Variants in ACAD9 observed in about 807,000 individuals in gnomAD.
ACAD9 encodes the protein acyl-CoA dehydrogenase family member 9, also known as complex I assembly factor ACAD9, mitochondrial.
ACAD9 carries 53 observed loss-of-function variants against 70.2 expected under a neutral mutation model. The ratio of observed to expected loss-of-function variants is 0.75; its 90% confidence interval spans 0.61 to 0.95. The LOEUF is 0.95. Among genes scored for constraint, ACAD9 ranks in the 40% least tolerant of loss-of-function variants. The pLI, the probability that ACAD9 is intolerant of heterozygous loss-of-function variation, is 0.00. For missense variants in ACAD9, 777 were observed against 802.8 expected, an observed-to-expected ratio of 0.97 and a Z score of 0.39; for synonymous variants, 313 against 312.1, an observed-to-expected ratio of 1.00 and a Z score of -0.03.
intron 1 of ACAD9, among the ~76,000 whole-genome samples, chr3:128,884,017 C>G (rs751088314): frequency 6.6e-6 from 1 of 152,198 alleles, no homozygotes; most frequent in Non-Finnish European, 1.5e-5. Context: ...GAAGGGGTAG[C>G]AGAGCCCAAA....
At chr3:128,890,177 T>C (rs1935377103) in intron 2 of ACAD9, among the ~76,000 whole-genome samples, 1 of 151,532 alleles carries the variant, frequency 6.6e-6, no homozygotes, top group Non-Finnish European at 1.5e-5. Flanking sequence ...AACCTCCATC[T>C]CCCAGGTTCA....
chr3:128,898,969 T>G (rs991936465), intron 6 of ACAD9, among the ~76,000 whole-genome samples: 1 of 152,230 alleles, frequency 6.6e-6, no homozygotes, highest in Non-Finnish European at 1.5e-5. Flanking sequence ...CCTTAAGAAA[T>G]GATTAAACCC....
intron 1 of ACAD9, chr3:128,880,200 T>A (rs1265802527): frequency 1.6e-5 from 7 of 435,398 alleles, no homozygotes; most frequent in Non-Finnish European, 2.4e-5. Flanking sequence ...TTACACCATG[T>A]CCCTCCTCAG....
intron 4 of ACAD9, 116 bp downstream of exon 4, chr3:128,895,532 C>T: frequency 1.0e-6 from 1 of 957,700 alleles, no homozygotes. Context: ...GACCTTCAGC[C>T]CTGCCCTTCA....
At chr3:128,882,245 G>A (rs1000150722) in intron 1 of ACAD9, among the ~76,000 whole-genome samples, 1 of 152,152 alleles carries the variant, frequency 6.6e-6, no homozygotes, top group Admixed American at 6.5e-5. Context: ...AGGCATTTGA[G>A]ATTAATAGAT....
rs751398822 is a variant in ACAD9 at position 128,904,476 on chromosome 3, G to A, written c.1120G>A (p.Asp374Asn). Residue 374 changes from aspartate (D) to asparagine (N), a missense_variant, in exon 11 of 18, where the codon GAC becomes AAC. By Grantham distance (23) the Asp-to-Asn change is conservative. Transcript: ENST00000308982. ...AGMLDQPGFP[D>N]CSIEAAMVKV... ...GATGCTGGACCAACCTGGCTTTCCCGACTGCTCCATCGAGGCAGCCATGGT... is the reference window on the plus strand; with the variant it reads ...GATGCTGGACCAACCTGGCTTTCCCAACTGCTCCATCGAGGCAGCCATGGT... The A allele has an allele frequency of 2.5e-6, 4 of 1,614,158 alleles. No homozygotes were observed. The highest frequency in any genetic ancestry group is 1.3e-5 in the African/African-American group (1 of 75,056).
At position 128,908,164 on chromosome 3, in the gene ACAD9, CCT is replaced by C. The variant is rs1307759006; in HGVS notation, c.1279-18_1279-17del. On this transcript the variant is annotated intron_variant, in intron 12 of 17. Coordinates refer to ENST00000308982, the MANE Select transcript of ACAD9 (RefSeq NM_014049.5). ...TGCCTGGCCGGGGGGCAGCCTTTGA[CCT>C]CTACACTACTGACCACAGGGAACCA... 1.2e-6 allele frequency: 2 copies of C among 1,613,112 alleles called. No homozygotes were observed. Among genetic ancestry groups the C allele is most frequent in the South Asian group, 2.2e-5 (2 of 91,060 alleles).
rs1199810951 is a variant in ACAD9, at chr3:128,902,839, C to G, written c.958+211C>G. ...TCTTCCGCATTCCTCTGTTTCACCT[C>G]CACCCGGGTGATGCTGACTGGGGGA... On this transcript the variant is annotated intron_variant, in intron 9 of 17. Transcript: ENST00000308982. This position sits in a 1 kb window ranked among gnomAD's most constrained non-coding sequence, Gnocchi z 4.0. 2.0e-5 allele frequency among the ~76,000 whole-genome samples: 3 copies of G among 152,148 alleles called. No individual in the cohort carries two copies. Among genetic ancestry groups the G allele is most frequent in the Non-Finnish European group, 4.4e-5 (3 of 68,022 alleles).
intron 2 of ACAD9, among the ~76,000 whole-genome samples, chr3:128,890,843 AT>A (rs552712853): frequency 1.9e-3 from 276 of 143,416 alleles, no homozygotes; most frequent in Middle Eastern, 0.011. Flanking sequence ...TTTTAGAGCA[AT>A]TTTTTTTTTT....
Position 128,910,641 on chromosome 3 carries a change from C to A in ACAD9, c.1693-100C>A, listed in dbSNP as rs148698216. The A allele has an allele frequency of 7.4e-5, 98 of 1,321,810 alleles. No homozygotes were observed. In the African/African-American group the frequency reaches 1.2e-3, roughly 17 times the overall value. The allele number at this position is 1,321,810 out of a possible 1,614,324, so 81.9% of individuals were successfully genotyped here. ...ACTCCTGTGCCAGGCCTTGTGACCCCTGCCATGCTACCCAGTTTGGCTGAT... is the reference window on the plus strand; with the variant it reads ...ACTCCTGTGCCAGGCCTTGTGACCCATGCCATGCTACCCAGTTTGGCTGAT... On this transcript the variant is annotated intron_variant, in intron 16 of 17. Coordinates refer to ENST00000308982, the MANE Select transcript of ACAD9 (RefSeq NM_014049.5).
At chr3:128,895,096 C>G (rs1418066804) in intron 3 of ACAD9, among the ~76,000 whole-genome samples, 2 of 151,248 alleles carry the variant, frequency 1.3e-5, no homozygotes, top group South Asian at 4.2e-4. Flanking sequence ...AGGCTGGTCT[C>G]GAACTGTTGA....
Position 128,910,778 on chromosome 3 carries a change from T to C in ACAD9, c.1730T>C (p.Leu577Ser), listed in dbSNP as rs1936205244. The C allele has an allele frequency of 1.2e-6, 2 of 1,614,192 alleles. No homozygotes were observed. Among genetic ancestry groups the C allele is most frequent in the Non-Finnish European group, 1.7e-6 (2 of 1,180,046 alleles). ...AACACCTTCTGCGTGGAAGCTTACT[T>C]GCAGAATCTCTTCAGCCTCTCTCAG... ...LANTFCVEAY[L>S]QNLFSLSQLD... Residue 577 changes from leucine (L) to serine (S), a missense_variant, in exon 17 of 18, where the codon TTG becomes TCG. Physicochemically the swap from Leu to Ser is moderately radical, Grantham distance 145 (BLOSUM62 -2). Coordinates refer to ENST00000308982, the MANE Select transcript of ACAD9 (RefSeq NM_014049.5).
intron 1 of ACAD9, among the ~76,000 whole-genome samples, chr3:128,880,564 AT>A (rs1178357376): frequency 6.6e-5 from 9 of 137,354 alleles, no homozygotes; most frequent in African/African-American, 2.4e-4. Flanking sequence ...TTTTTTTTGT[AT>A]TTTTAGCAGA....
At position 128,895,361 on chromosome 3, in the gene ACAD9, G is replaced by A; in HGVS notation, c.398G>A (p.Ser133Asn). 1 of 1,613,086 alleles carries A rather than the reference G, an allele frequency of 6.2e-7. No individual in the cohort carries two copies. The highest frequency in any genetic ancestry group is 1.7e-4 in the Middle Eastern group (1 of 6,060). Residue 133 changes from serine (S) to asparagine (N), a missense_variant, in exon 4 of 18, where the codon AGC becomes AAC. Physicochemically the swap from Ser to Asn is conservative, Grantham distance 46. Coordinates refer to ENST00000308982, the MANE Select transcript of ACAD9 (RefSeq NM_014049.5). The part of the protein sequence containing the change: ...TMYSRLGEII[S>N]MDGSITVTLA... ...TACTCAAGACTAGGGGAGATCATCA[G>A]CATGGATGGGTCCATCACTGTGACC...
intron 15 of ACAD9, 103 bp from the exon 16 acceptor site, chr3:128,909,918 G>T (rs918560226): frequency 6.6e-7 from 1 of 1,523,230 alleles, no homozygotes. Flanking sequence ...ACTTTCTCAA[G>T]GAACACAGGA....
At chr3:128,883,235 G>A (rs1313088186) in intron 1 of ACAD9, among the ~76,000 whole-genome samples, 9 of 152,062 alleles carry the variant, frequency 5.9e-5, no homozygotes, top group Admixed American at 1.3e-4. Context: ...AACTACAGGC[G>A]TGTGCAACCA....
chr3:128,879,845 A>G lies in ACAD9; in HGVS notation c.150+4A>G. On this transcript the variant is annotated splice_donor_region_variant and intron_variant, in intron 1 of 17. Transcript: ENST00000308982. Reference sequence around the variant, plus strand: ...TTTCCTAGGCAAAATCAAGAAGGTAACGCGAGCCCTGGGCGAACCCTTGCT... The same window carrying G: ...TTTCCTAGGCAAAATCAAGAAGGTAGCGCGAGCCCTGGGCGAACCCTTGCT... The G allele has an allele frequency of 6.2e-7, 1 of 1,613,944 alleles. No individual in the cohort carries two copies. Among genetic ancestry groups the G allele is most frequent in the South Asian group, 1.1e-5 (1 of 91,080 alleles).
intron 13 of ACAD9, 47 bp from the exon 14 acceptor site, chr3:128,908,926 G>C (rs1387209192): frequency 6.2e-7 from 1 of 1,613,666 alleles, no homozygotes; most frequent in Admixed American, 1.7e-5. Context: ...TGGACAGTGA[G>C]CGCCAGCAGC....
In ACAD9 at chr3:128,897,675, G is replaced by C; in HGVS notation, c.598G>C (p.Glu200Gln). The C allele has an allele frequency of 6.2e-7, 1 of 1,613,914 alleles. No individual in the cohort carries two copies. Among genetic ancestry groups the C allele is most frequent in the Non-Finnish European group, 8.5e-7 (1 of 1,179,918 alleles). Residue 200 changes from glutamate (E) to glutamine (Q), a missense_variant, in exon 6 of 18, where the codon GAA becomes CAA. Physicochemically the swap from Glu to Gln is conservative, Grantham distance 29. Coordinates refer to ENST00000308982, the MANE Select transcript of ACAD9 (RefSeq NM_014049.5). The part of the protein sequence containing the change: ...ASIRSRATLS[E>Q]DKKHYILNGS... ...AATCCGGAGCAGAGCCACACTAAGT[G>C]AAGACAAGAAGCACTACATCCTCAA...
Sources: allele counts gnomAD v4.1 joint callset (sites outside exome capture counted in the v4.1 genomes callset), GRCh38; gene constraint gnomAD v4.1.1; non-coding constraint Gnocchi (gnomAD v3.1); transcripts MANE v1.5; gene names NCBI Gene and HGNC (gene_info 2026-07-23, HGNC 2026-07-21).